Variants in C11orf65 observed in about 807,000 individuals in gnomAD.
The protein encoded by C11orf65 is protein MFI.
In C11orf65, 38 loss-of-function variants were observed where a neutral mutation model predicts 35.3. That is an observed-to-expected ratio of 1.08 (90% CI 0.83 to 1.41). The LOEUF is 1.41. Among genes scored for constraint, C11orf65 ranks in the 40% most tolerant of loss-of-function variants. C11orf65 has a pLI of 0.00. For synonymous variants in C11orf65, 105 were observed against 114.4 expected (o/e 0.92, Z 0.53); for missense variants, 370 against 367.1 (o/e 1.01, Z -0.06).
chr11:108,362,998 A>C (rs1417119407), intron 2 of C11orf65, among the ~76,000 whole-genome samples: 1 of 152,082 alleles, frequency 6.6e-6, no homozygotes, highest in Non-Finnish European at 1.5e-5. Flanking sequence ...AACAAAAAAA[A>C]CACACCCTCC....
rs780625774 is a variant in C11orf65 at position 108,405,477 on chromosome 11, T to C, written c.512A>G (p.Asp171Gly). 1.5e-5 allele frequency: 25 copies of C among 1,613,584 alleles called. No individual in the cohort carries two copies. Among genetic ancestry groups the C allele is most frequent in the Non-Finnish European group, 2.0e-5 (24 of 1,179,852 alleles). Residue 171 changes from aspartate to glycine, a missense_variant, in exon 6 of 9, where the codon GAT becomes GGT. Physicochemically the swap from Asp to Gly is moderately conservative, Grantham distance 94. Transcript: ENST00000393084. ...TCTAAGTTTTCTTTTCTTTTCCAAA[T>C]CTTGCCTTCTCTTCAGTTTAGAGAA... ...FHFSKLKRRQ[D>G]LEKKRKLRKI...
At chr11:108,355,371 G>A in intron 2 of C11orf65, 1 of 174,106 alleles carries the variant, frequency 5.7e-6, no homozygotes, top group Non-Finnish European at 1.2e-5. Flanking sequence ...CTTAACTTTG[G>A]GACAGCTCAC....
At chr11:108,464,382 C>T (rs889583424) in intron 1 of C11orf65, among the ~76,000 whole-genome samples, 20 of 152,066 alleles carry the variant, frequency 1.3e-4, no homozygotes, top group Non-Finnish European at 2.1e-4. Context: ...CTGCAACCTC[C>T]GCCTCCTGGG....
Position 108,393,280 on chromosome 11 carries a change from C to T in C11orf65, c.659G>A (p.Gly220Glu), listed in dbSNP as rs779411609. ...TKGLIRAFED[G>E]GIDSVMEWEV... is the part of the protein sequence containing the mutation. ...CCATTCCATCACAGAATCTATCCCC[C>T]CATCTTCAAAAGCTCTAATCAGCCC... Residue 220 changes from glycine (G) to glutamate (E), a missense_variant, in exon 7 of 9, where the codon GGG becomes GAG. Coordinates refer to ENST00000393084, the MANE Select transcript of C11orf65 (RefSeq NM_152587.5). 18 of 1,613,958 alleles carry T rather than the reference C, an allele frequency of 1.1e-5. No individual in the cohort carries two copies. Among genetic ancestry groups the T allele is most frequent in the Non-Finnish European group, 1.5e-5 (18 of 1,179,984 alleles).
At chr11:108,335,383 A>G in intron 2 of C11orf65, 1 of 967,922 alleles carries the variant, frequency 1.0e-6, no homozygotes, top group Non-Finnish European at 1.4e-6. Context: ...TTCTTATGAA[A>G]AAAAATACTT....
At chr11:108,446,638 A>T (rs2093264388) in intron 2 of C11orf65, among the ~76,000 whole-genome samples, 1 of 152,170 alleles carries the variant, frequency 6.6e-6, no homozygotes, top group Non-Finnish European at 1.5e-5. Context: ...GGAAGCACTA[A>T]ACATGGAAAG....
Position 108,374,119 on chromosome 11 carries a change from G to A in C11orf65, c.226+19089C>T, listed in dbSNP as rs539715807. On this transcript the variant is annotated intron_variant, in intron 2 of 3. Transcript: ENST00000524755. ...CAGACTTAAATGTCCCTGTCTGACAGCTTTGAGGAGAGCAGTGGTTCTCCC... is the reference window on the plus strand; with the variant it reads ...CAGACTTAAATGTCCCTGTCTGACAACTTTGAGGAGAGCAGTGGTTCTCCC... Among the ~76,000 whole-genome samples, 21 of 152,340 alleles carry A rather than the reference G, an allele frequency of 1.4e-4. No homozygotes were observed. In the South Asian group the frequency reaches 3.7e-3, roughly 27 times the overall value.
At chr11:108,363,155 G>A (rs1285455194) in intron 2 of C11orf65, among the ~76,000 whole-genome samples, 1 of 152,092 alleles carries the variant, frequency 6.6e-6, no homozygotes, top group East Asian at 1.9e-4. Flanking sequence ...TCTGCCTTCA[G>A]CTTTAGGAGG....
intron 2 of C11orf65, among the ~76,000 whole-genome samples, chr11:108,445,416 G>A (rs974322302): frequency 6.6e-6 from 1 of 152,096 alleles, no homozygotes; most frequent in African/African-American, 2.4e-5. Flanking sequence ...ACTTCCAGAG[G>A]AACGATCAGG....
At chr11:108,330,247 G>C (rs2136453829), downstream of C11orf65, 3 of 1,614,194 alleles carry the variant, frequency 1.9e-6, no homozygotes, top group Non-Finnish European at 1.7e-6. Context: ...AGCTGGAGTT[G>C]GATGAATTAG....
intron 7 of C11orf65, among the ~76,000 whole-genome samples, chr11:108,392,544 A>G (rs1414379624): frequency 2.0e-5 from 3 of 152,142 alleles, no homozygotes. Context: ...GAGCTGCTGG[A>G]TCACATGTCA....
intron 2 of C11orf65, chr11:108,343,133 T>A (rs2136932335): frequency 1.3e-6 from 2 of 1,522,646 alleles, no homozygotes; most frequent in Admixed American, 3.4e-5. Context: ...TGAAAAAAAA[T>A]GCTTTGCACT....
chr11:108,337,601 A>C (rs1398175961), intron 2 of C11orf65, among the ~76,000 whole-genome samples: 2 of 152,214 alleles, frequency 1.3e-5, no homozygotes, highest in African/African-American at 4.8e-5. Flanking sequence ...TGGTCCAGGG[A>C]CAACACTTTG....
intron 1 of C11orf65, among the ~76,000 whole-genome samples, chr11:108,466,083 A>C (rs1258079879): frequency 6.6e-6 from 1 of 152,178 alleles, no homozygotes; most frequent in Non-Finnish European, 1.5e-5. Context: ...GTGACGGAGA[A>C]CTTAAAGGGG....
At chr11:108,371,402 C>G (rs1384112826) in intron 2 of C11orf65, among the ~76,000 whole-genome samples, 1 of 152,168 alleles carries the variant, frequency 6.6e-6, no homozygotes, top group Non-Finnish European at 1.5e-5. Context: ...TTCAACCAGC[C>G]CCTGAGAACT....
At chr11:108,316,452 T>A (rs1364036467) in intron 6 of C11orf65, among the ~76,000 whole-genome samples, 1 of 152,052 alleles carries the variant, frequency 6.6e-6, no homozygotes, top group African/African-American at 2.4e-5. Flanking sequence ...ACATGGAAAA[T>A]CTTATGTAAA....
At chr11:108,463,177 G>A (rs1406570131) in intron 1 of C11orf65, among the ~76,000 whole-genome samples, 2 of 152,138 alleles carry the variant, frequency 1.3e-5, no homozygotes, top group Non-Finnish European at 1.5e-5. Context: ...AATGCAAAAC[G>A]TGTAAGGATT....
chr11:108,354,897 CTTTA>C, intron 2 of C11orf65: 1 of 1,595,116 alleles, frequency 6.3e-7, no homozygotes, highest in Non-Finnish European at 8.6e-7. Context: ...ATAAGGAAGA[CTTTA>C]TTTTTTTTCT....
chr11:108,332,680 T>A (rs2136553039), intron 3 of C11orf65: 1 of 1,448,624 alleles, frequency 6.9e-7, no homozygotes, highest in South Asian at 1.2e-5. Context: ...ATAAATTCTG[T>A]TTTTCTCTTT....
Sources: allele counts gnomAD v4.1 joint callset (sites outside exome capture counted in the v4.1 genomes callset), GRCh38; gene constraint gnomAD v4.1.1; transcripts MANE v1.5; gene names NCBI Gene and HGNC (gene_info 2026-07-23, HGNC 2026-07-21).